IQCM: variants seen among roughly 807,000 people sequenced by gnomAD.
The protein encoded by IQCM is IQ domain-containing protein M.
A neutral mutation model predicts 57.6 loss-of-function variants in IQCM; 45 were observed. The observed-to-expected ratio is 0.78, with a 90% CI of 0.62 to 1.00. The LOEUF (loss-of-function observed/expected upper bound fraction) is 1.00. Among genes scored for constraint, IQCM ranks in the 50% least tolerant of loss-of-function variants. The probability of loss-of-function intolerance (pLI) is 0.00; values close to 1 mark genes in which losing one functional copy is unlikely to be tolerated. For synonymous variants in IQCM, 148 were observed against 158.9 expected (o/e 0.93, Z 0.51); for missense variants, 468 against 511.6 (o/e 0.91, Z 0.82).
intron 13 of IQCM, among the ~76,000 whole-genome samples, chr4:149,432,648 T>C (rs1734981373): frequency 6.6e-6 from 1 of 151,916 alleles, no homozygotes; most frequent in Non-Finnish European, 1.5e-5. Flanking sequence ...TTTATCAAAA[T>C]TGAAAACTTC....
At chr4:149,448,308 A>G (rs921935818) in intron 12 of IQCM, among the ~76,000 whole-genome samples, 1 of 151,636 alleles carries the variant, frequency 6.6e-6, no homozygotes, top group Non-Finnish European at 1.5e-5. Flanking sequence ...ATTTTGAACT[A>G]AACAGTAATG....
intron 12 of IQCM, among the ~76,000 whole-genome samples, chr4:149,533,014 A>C (rs1176472560): frequency 6.6e-6 from 1 of 152,156 alleles, no homozygotes; most frequent in Non-Finnish European, 1.5e-5. Flanking sequence ...ACTGATATTG[A>C]AGCTGAGACA....
chr4:149,730,239 T>C (rs928574674), intron 5 of IQCM, among the ~76,000 whole-genome samples: 12 of 152,184 alleles, frequency 7.9e-5, no homozygotes, highest in Non-Finnish European at 1.3e-4. Flanking sequence ...TAAATAACTC[T>C]ACCTTTCTAA....
chr4:149,430,064 T>G, intron 13 of IQCM: 1 of 1,196,488 alleles, frequency 8.4e-7, no homozygotes, highest in South Asian at 4.2e-5. Context: ...AGGTTCTTAA[T>G]TCATCTTATT....
chr4:149,715,629 C>A (rs546470969), intron 5 of IQCM, among the ~76,000 whole-genome samples: 115 of 152,162 alleles, frequency 7.6e-4, no homozygotes, highest in Middle Eastern at 3.2e-3. Context: ...TTCAGTCCTG[C>A]CATCTGGTGG....
intron 6 of IQCM, 140 bp downstream of exon 6, chr4:149,686,238 G>T: frequency 2.5e-6 from 1 of 400,506 alleles, no homozygotes; most frequent in Non-Finnish European, 4.3e-6. Flanking sequence ...ATGCTTTGAG[G>T]AACTCAAGCG....
At chr4:149,617,940 T>G (rs887376806) in intron 8 of IQCM, among the ~76,000 whole-genome samples, 14 of 152,166 alleles carry the variant, frequency 9.2e-5, no homozygotes, top group African/African-American at 3.4e-4. Flanking sequence ...CCCAAGGCAA[T>G]GTCTAGATTT....
At chr4:149,679,788 G>T (rs1422397436) in intron 7 of IQCM, among the ~76,000 whole-genome samples, 1 of 151,294 alleles carries the variant, frequency 6.6e-6, no homozygotes, top group Non-Finnish European at 1.5e-5. Flanking sequence ...GATTATGTCA[G>T]ATATTCATTG....
chr4:149,563,872 A>G lies in IQCM; in HGVS notation c.768T>C (p.Asn256=). The change falls in exon 10 of 14, where the codon AAT becomes AAC. Residue 256 remains asparagine, a synonymous_variant. Coordinates refer to ENST00000636793, the MANE Select transcript of IQCM (RefSeq NM_001363507.2). ...KSQPRIKGTP[N]KTDKLDSKVK... Reference sequence around the variant, plus strand: ...CTTTACTGTCAAGTTTATCAGTTTTATTTGGAGTACCTTTTATCCTAAAAA... The same window carrying G: ...CTTTACTGTCAAGTTTATCAGTTTTGTTTGGAGTACCTTTTATCCTAAAAA... The G allele has an allele frequency of 1.6e-6, 2 of 1,227,840 alleles. No individual in the cohort carries two copies. The highest frequency in any genetic ancestry group is 2.0e-6 in the Non-Finnish European group (2 of 984,164). 76.1% of individuals were successfully genotyped at this position (1,227,840 alleles called of 1,614,324 possible). A position where few individuals can be genotyped will look rare whatever the true frequency, so the allele number is the denominator to read the frequency against.
chr4:149,598,916 G>A (rs1754017980), intron 8 of IQCM, among the ~76,000 whole-genome samples: 1 of 152,158 alleles, frequency 6.6e-6, no homozygotes, highest in African/African-American at 2.4e-5. Flanking sequence ...CTTATAGCTA[G>A]TGGCAATCAA....
intron 13 of IQCM, among the ~76,000 whole-genome samples, chr4:149,390,928 C>T (rs1212636017): frequency 2.6e-5 from 4 of 151,534 alleles, no homozygotes; most frequent in Non-Finnish European, 5.9e-5. Flanking sequence ...ACTGGCCTCA[C>T]AGAATGAGTG....
At chr4:149,534,855 A>G (rs1747128453) in intron 12 of IQCM, among the ~76,000 whole-genome samples, 1 of 152,124 alleles carries the variant, frequency 6.6e-6, no homozygotes, top group Non-Finnish European at 1.5e-5. Context: ...AACCTTTTTA[A>G]AAAAAGGAAG....
intron 2 of IQCM, chr4:149,790,386 A>T (rs1772482639): frequency 5.5e-6 from 1 of 182,974 alleles, no homozygotes; most frequent in Admixed American, 6.4e-5. Flanking sequence ...GAGCAATGCC[A>T]ATACCCCTTC....
chr4:149,679,938 CAA>C (rs1762057556), intron 7 of IQCM, among the ~76,000 whole-genome samples: 1 of 151,306 alleles, frequency 6.6e-6, no homozygotes, highest in Non-Finnish European at 1.5e-5. Flanking sequence ...ACGAAAGACA[CAA>C]AGTGTGGACC....
intron 8 of IQCM, among the ~76,000 whole-genome samples, chr4:149,606,043 C>G (rs1754747644): frequency 6.6e-6 from 1 of 152,190 alleles, no homozygotes; most frequent in South Asian, 2.1e-4. Context: ...TGGCAAGATT[C>G]ACCACCTTCT....
At chr4:149,808,940 C>A (rs1291070311) in intron 2 of IQCM, among the ~76,000 whole-genome samples, 2 of 152,032 alleles carry the variant, frequency 1.3e-5, no homozygotes, top group Non-Finnish European at 2.9e-5. Flanking sequence ...AAAAAGGTAG[C>A]AAACACTTTT....
intron 2 of IQCM, among the ~76,000 whole-genome samples, chr4:149,770,356 C>T (rs551174222): frequency 1.3e-5 from 2 of 151,962 alleles, no homozygotes; most frequent in Non-Finnish European, 2.9e-5. Flanking sequence ...GTGAACTCTA[C>T]CAAGATTTTA....
At chr4:149,370,082 G>T (rs972598422) in intron 13 of IQCM, among the ~76,000 whole-genome samples, 1 of 152,024 alleles carries the variant, frequency 6.6e-6, no homozygotes, top group East Asian at 1.9e-4. Flanking sequence ...TTTGTAGAGA[G>T]GGGGTTTCCC....
At chr4:149,779,824 G>C (rs1771437732) in intron 2 of IQCM, among the ~76,000 whole-genome samples, 1 of 152,058 alleles carries the variant, frequency 6.6e-6, no homozygotes, top group African/African-American at 2.4e-5. Context: ...AATTGGCACT[G>C]GCTACCAGGC....
Sources: gnomAD v4.1 joint callset for allele counts (sites outside exome capture counted in the v4.1 genomes callset) on GRCh38, gnomAD v4.1.1 for gene constraint, MANE v1.5 for transcripts, NCBI Gene and HGNC (gene_info 2026-07-23, HGNC 2026-07-21) for gene names.